The following MCU variants were observed in gnomAD, a reference collection of about 807,000 sequenced individuals.
MCU encodes calcium uniporter protein, mitochondrial.
Under a neutral mutation model 45.2 loss-of-function variants are expected in MCU, and 12 were observed. The ratio of observed to expected loss-of-function variants is 0.27; its 90% confidence interval spans 0.17 to 0.43. The LOEUF (loss-of-function observed/expected upper bound fraction) is 0.43. MCU is among the 20% of genes least tolerant of loss of function. MCU has a pLI of 1.00. For missense variants in MCU, 324 were observed against 436.7 expected (o/e 0.74, Z 2.30); for synonymous variants, 160 against 165.1 (o/e 0.97, Z 0.24).
At chr10:72,880,832 T>G (rs1486240266) in intron 6 of MCU, among the ~76,000 whole-genome samples, 2 of 152,176 alleles carry the variant, frequency 1.3e-5, no homozygotes, top group Admixed American at 6.5e-5. Flanking sequence ...ACTTTTGATT[T>G]TAAGAAGATG....
intron 1 of MCU, among the ~76,000 whole-genome samples, chr10:72,781,298 C>T (rs1843990356): frequency 6.6e-6 from 1 of 152,224 alleles, no homozygotes; most frequent in Admixed American, 6.5e-5. Flanking sequence ...AATCATCATA[C>T]TCTTAGCCTG....
chr10:72,781,928 G>A (rs901115995), intron 1 of MCU, among the ~76,000 whole-genome samples: 58 of 152,100 alleles, frequency 3.8e-4, no homozygotes, highest in African/African-American at 1.3e-3. Context: ...CCATGAATAG[G>A]CTGCAAAAAG....
At chr10:72,709,513 C>T (rs1272985323) in intron 1 of MCU, among the ~76,000 whole-genome samples, 5 of 152,104 alleles carry the variant, frequency 3.3e-5, no homozygotes, top group Admixed American at 2.6e-4. Flanking sequence ...CTCTCTTTCT[C>T]CCTTTTTCCT....
At chr10:72,882,874 C>T (rs1437706408) in intron 6 of MCU, among the ~76,000 whole-genome samples, 1 of 152,138 alleles carries the variant, frequency 6.6e-6, no homozygotes, top group African/African-American at 2.4e-5. Context: ...CATCACGGAA[C>T]CTACCGACAT....
intron 1 of MCU, among the ~76,000 whole-genome samples, chr10:72,820,070 T>A (rs943553964): frequency 6.6e-6 from 1 of 152,212 alleles, no homozygotes; most frequent in Admixed American, 6.5e-5. Flanking sequence ...GAAATAATCA[T>A]GCTAGAAGTA....
chr10:72,846,891 C>T (rs1257959209), intron 2 of MCU, among the ~76,000 whole-genome samples: 1 of 152,108 alleles, frequency 6.6e-6, no homozygotes, highest in Non-Finnish European at 1.5e-5. Context: ...CAAAATCTAC[C>T]TAAAAGTAGG....
At chr10:72,711,636 G>C (rs2132661309) in intron 1 of MCU, among the ~76,000 whole-genome samples, 1 of 151,178 alleles carries the variant, frequency 6.6e-6, no homozygotes, top group East Asian at 2.0e-4. Flanking sequence ...CTTGAGGCCA[G>C]TAGTTTGAGG....
intron 1 of MCU, among the ~76,000 whole-genome samples, chr10:72,829,448 C>A (rs1288951570): frequency 6.6e-6 from 1 of 151,186 alleles, no homozygotes; most frequent in Admixed American, 6.6e-5. Flanking sequence ...CTTTACTTAA[C>A]TTTAATCTTG....
chr10:72,840,888 T>G (rs557706324), intron 2 of MCU, among the ~76,000 whole-genome samples: 1 of 152,342 alleles, frequency 6.6e-6, no homozygotes, highest in Non-Finnish European at 1.5e-5. Context: ...TGAAGGATTC[T>G]TCAAGATTGA....
At chr10:72,817,556 C>G (rs965265141) in intron 1 of MCU, among the ~76,000 whole-genome samples, 1 of 152,170 alleles carries the variant, frequency 6.6e-6, no homozygotes, top group Non-Finnish European at 1.5e-5. Context: ...TATAAATGAG[C>G]ATTAATTAAT....
chr10:72,743,412 C>CAAAA (rs374429962), intron 1 of MCU, among the ~76,000 whole-genome samples: 27 of 74,186 alleles, frequency 3.6e-4, no homozygotes, highest in Non-Finnish European at 4.3e-4. Context: ...TACTCCATCT[C>CAAAA]AAAAAAAAAA....
intron 1 of MCU, among the ~76,000 whole-genome samples, chr10:72,755,986 G>A (rs548820967): frequency 1.3e-5 from 2 of 152,054 alleles, no homozygotes; most frequent in African/African-American, 2.4e-5. Context: ...TGGGACTACC[G>A]GTGTGCACCA....
intron 1 of MCU, among the ~76,000 whole-genome samples, chr10:72,830,907 T>C (rs1477566107): frequency 6.6e-6 from 1 of 152,172 alleles, no homozygotes; most frequent in East Asian, 1.9e-4. Context: ...AAAGCAGTAT[T>C]CAACACTGAT....
In MCU at chr10:72,770,767, A is replaced by T. The variant is rs146085179; in HGVS notation, c.151-63592A>T. Among the ~76,000 whole-genome samples, 89 of 152,208 alleles carry T rather than the reference A, an allele frequency of 5.8e-4. 2 individuals carry two copies. The East Asian group carries it at 0.014, about 24-fold the overall frequency. On this transcript the variant is annotated intron_variant, in intron 1 of 7. Coordinates refer to ENST00000373053, the MANE Select transcript of MCU (RefSeq NM_138357.3). The stretch of plus-strand genomic sequence containing the variant: ...GTTCTGATAGCGTCAAATATATTAC[A>T]TTCCTAAATGTTATAGACCCAGTAG...
chr10:72,875,648 C>G (rs566750136), intron 6 of MCU, among the ~76,000 whole-genome samples: 7 of 152,316 alleles, frequency 4.6e-5, no homozygotes, highest in African/African-American at 1.7e-4. Context: ...CTATGAGTTG[C>G]TGTACTTGTT....
intron 2 of MCU, among the ~76,000 whole-genome samples, chr10:72,835,125 G>C (rs913753369): frequency 6.6e-6 from 1 of 152,154 alleles, no homozygotes; most frequent in African/African-American, 2.4e-5. Context: ...TCCTGCTCTT[G>C]CTTATCTTTT....
At chr10:72,827,218 G>A (rs1184643969) in intron 1 of MCU, among the ~76,000 whole-genome samples, 1 of 152,088 alleles carries the variant, frequency 6.6e-6, no homozygotes, top group Non-Finnish European at 1.5e-5. Context: ...TTGTTAAAAG[G>A]TACAAATGCT....
chr10:72,709,354 A>G (rs956053941), intron 1 of MCU, among the ~76,000 whole-genome samples: 3 of 152,250 alleles, frequency 2.0e-5, no homozygotes, highest in Non-Finnish European at 4.4e-5. Flanking sequence ...AATACTTTAA[A>G]GAAGTATTTA....
rs193071429 is a variant in MCU, at chr10:72,792,965, G to A, written c.151-41394G>A. Among the ~76,000 whole-genome samples, 706 of 151,744 alleles carry A rather than the reference G, an allele frequency of 4.7e-3. 7 individuals carry two copies. The highest frequency in any genetic ancestry group is 0.016 in the African/African-American group (666 of 41,328). On this transcript the variant is annotated intron_variant, in intron 1 of 7. Transcript: ENST00000373053. ...ACGATCTTGGCTCACTGCAACCTCC[G>A]CTTCCTGGGTTCACGTGATTCTTTT... is the stretch of plus-strand genomic sequence containing the variant.
Sources: gnomAD v4.1 joint callset for allele counts (sites outside exome capture counted in the v4.1 genomes callset) on GRCh38, gnomAD v4.1.1 for gene constraint, MANE v1.5 for transcripts, NCBI Gene and HGNC (gene_info 2026-07-23, HGNC 2026-07-21) for gene names.